The following RBFOX1 variants were observed in gnomAD, a reference collection of about 807,000 sequenced individuals.
RBFOX1 encodes the protein RNA binding protein fox-1 homolog 1.
In RBFOX1, 8 loss-of-function variants were observed where a neutral mutation model predicts 57.7. The observed-to-expected ratio is 0.14, with a 90% CI of 0.08 to 0.25. The LOEUF (loss-of-function observed/expected upper bound fraction) is 0.25, where lower values mean the gene tolerates loss of function less well. Among genes scored for constraint, RBFOX1 ranks in the 10% least tolerant of loss-of-function variants. The pLI, the probability that RBFOX1 is intolerant of heterozygous loss-of-function variation, is 1.00. For synonymous variants in RBFOX1, 326 were observed against 222.4 expected, an observed-to-expected ratio of 1.47 and a Z score of -4.15; for missense variants, 611 against 548.5, an observed-to-expected ratio of 1.11 and a Z score of -1.14.
At chr16:6,085,109 A>G (rs2096065153) in intron 1 of RBFOX1, among the ~76,000 whole-genome samples, 1 of 151,944 alleles carries the variant, frequency 6.6e-6, no homozygotes, top group Admixed American at 6.6e-5. Flanking sequence ...GAGGGCGGGG[A>G]GTCTTTCCTT....
intron 2 of RBFOX1, among the ~76,000 whole-genome samples, 189 bp from the exon 3 acceptor site, chr16:6,654,414 C>G (rs1051276406): frequency 1.3e-5 from 2 of 152,196 alleles, no homozygotes; most frequent in African/African-American, 4.8e-5. Context: ...ACATATGTCT[C>G]TAATGCAAAC....
intron 3 of RBFOX1, among the ~76,000 whole-genome samples, chr16:5,768,868 TTTTGTTTG>T (rs923570067): frequency 2.6e-5 from 4 of 152,036 alleles, no homozygotes; most frequent in Admixed American, 1.3e-4. Flanking sequence ...CATCACTGTT[TTTTGTTTG>T]TTTGTTTGTT....
chr16:7,430,432 C>A lies in RBFOX1; in HGVS notation c.28-87715C>A, dbSNP rs1044255118. ...ATCCCAGCACTTCGGGAGGCTGAGG[C>A]AGGCAGATCACAAGGTGAGGAAATC... On this transcript the variant is annotated intron_variant, in intron 4 of 15. Coordinates refer to ENST00000550418, the MANE Select transcript of RBFOX1 (RefSeq NM_018723.4). Among the ~76,000 whole-genome samples the A allele has an allele frequency of 2.0e-5, 3 of 152,114 alleles. 1 individual carries two copies. The highest frequency in any genetic ancestry group is 7.2e-5 in the African/African-American group (3 of 41,438).
intron 1 of RBFOX1, among the ~76,000 whole-genome samples, chr16:6,045,791 CA>C (rs1384963494): frequency 6.6e-6 from 1 of 152,174 alleles, no homozygotes; most frequent in Non-Finnish European, 1.5e-5. Context: ...TTTGCTATGT[CA>C]ATGGAGCGGC....
chr16:6,476,429 C>T (rs2095272899), intron 2 of RBFOX1, among the ~76,000 whole-genome samples: 1 of 152,180 alleles, frequency 6.6e-6, no homozygotes, highest in South Asian at 2.1e-4. Flanking sequence ...TAGAGGGAGT[C>T]ACACTATTTT....
At chr16:6,568,578 C>T (rs573449189) in intron 2 of RBFOX1, among the ~76,000 whole-genome samples, 7 of 152,170 alleles carry the variant, frequency 4.6e-5, no homozygotes, top group South Asian at 4.2e-4. Flanking sequence ...CACAAAGGCA[C>T]GAATAACAGA....
chr16:6,187,523 C>A (rs1252771540), intron 1 of RBFOX1, among the ~76,000 whole-genome samples: 1 of 152,128 alleles, frequency 6.6e-6, no homozygotes, highest in Admixed American at 6.5e-5. Context: ...CCAAAAATAA[C>A]TAGCTCTCAC....
chr16:6,616,629 C>A (rs539743237), intron 2 of RBFOX1, among the ~76,000 whole-genome samples: 1 of 152,150 alleles, frequency 6.6e-6, no homozygotes, highest in African/African-American at 2.4e-5. Flanking sequence ...GAGCCGAGAT[C>A]GTGCCACTGC....
chr16:7,566,100 A>G (rs2091627801), intron 5 of RBFOX1, among the ~76,000 whole-genome samples: 1 of 152,144 alleles, frequency 6.6e-6, no homozygotes, highest in Non-Finnish European at 1.5e-5. Flanking sequence ...GAAGCATTTG[A>G]TATGGTGTTT....
At chr16:5,892,404 T>C (rs1417888635) in intron 4 of RBFOX1, among the ~76,000 whole-genome samples, 1 of 152,168 alleles carries the variant, frequency 6.6e-6, no homozygotes, top group Non-Finnish European at 1.5e-5. Context: ...TGACTGTATC[T>C]CTTTATATGC....
At chr16:5,819,636 G>A (rs1175347644) in intron 3 of RBFOX1, among the ~76,000 whole-genome samples, 2 of 152,212 alleles carry the variant, frequency 1.3e-5, no homozygotes, top group Non-Finnish European at 2.9e-5. Flanking sequence ...TGGACTACTT[G>A]ACATTTCCTA....
chr16:7,514,315 C>A (rs939436757), intron 4 of RBFOX1, among the ~76,000 whole-genome samples: 1 of 152,202 alleles, frequency 6.6e-6, no homozygotes, highest in African/African-American at 2.4e-5. Context: ...TCTTCATCCC[C>A]CTACCCTATC....
intron 1 of RBFOX1, among the ~76,000 whole-genome samples, chr16:6,237,289 G>A (rs560649429): frequency 6.6e-6 from 1 of 152,200 alleles, no homozygotes; most frequent in Non-Finnish European, 1.5e-5. Context: ...GTTAGAAGGT[G>A]GAAGTAAATC....
intron 4 of RBFOX1, among the ~76,000 whole-genome samples, chr16:7,231,809 A>G (rs2093510359): frequency 6.6e-6 from 1 of 152,146 alleles, no homozygotes; most frequent in Non-Finnish European, 1.5e-5. Context: ...TCAAAAGACC[A>G]CAGATTATGT....
intron 3 of RBFOX1, among the ~76,000 whole-genome samples, chr16:6,919,430 C>T (rs758502877): frequency 6.8e-5 from 10 of 146,090 alleles, no homozygotes; most frequent in Non-Finnish European, 1.4e-4. Flanking sequence ...ATAAAGCTCC[C>T]CCAAACTGGA....
chr16:5,611,784 ATC>A lies in RBFOX1; in HGVS notation c.318+12824_318+12825del, dbSNP rs1208829492. On this transcript the variant is annotated intron_variant, in intron 3 of 19. Coordinates refer to the RBFOX1 transcript ENST00000641259. ...TTTTCAGTCTCCCATCCATCCATCCATCCATCCATCCACCCACCCACCCACCC... is the reference window on the plus strand; with the variant it reads ...TTTTCAGTCTCCCATCCATCCATCCACATCCATCCACCCACCCACCCACCC... Among the ~76,000 whole-genome samples, 425 of 114,638 alleles carry A rather than the reference ATC, an allele frequency of 3.7e-3. 3 individuals are homozygous for A. Among genetic ancestry groups the A allele is most frequent in the African/African-American group, 9.2e-3 (266 of 28,828 alleles). 75.2% of individuals were successfully genotyped at this position (114,638 alleles called of 152,430 possible).
intron 3 of RBFOX1, among the ~76,000 whole-genome samples, chr16:5,776,028 G>A (rs923837657): frequency 2.7e-5 from 4 of 149,366 alleles, no homozygotes; most frequent in African/African-American, 1.0e-4. Context: ...CTCTTCAAGA[G>A]CCCAATGAAT....
chr16:7,251,220 A>G (rs886161979), intron 4 of RBFOX1, among the ~76,000 whole-genome samples: 9 of 151,848 alleles, frequency 5.9e-5, no homozygotes, highest in African/African-American at 9.7e-5. Context: ...CCCTACTTCT[A>G]TGAGTTCAAC....
intron 4 of RBFOX1, among the ~76,000 whole-genome samples, chr16:7,466,894 GTC>G (rs1300762367): frequency 6.6e-6 from 1 of 152,128 alleles, no homozygotes; most frequent in African/African-American, 2.4e-5. Context: ...ACCAGGAATG[GTC>G]TCTATGAATT....
Sources: allele counts gnomAD v4.1 joint callset (sites outside exome capture counted in the v4.1 genomes callset), GRCh38; gene constraint gnomAD v4.1.1; transcripts MANE v1.5; gene names NCBI Gene and HGNC (gene_info 2026-07-23, HGNC 2026-07-21).